Variants in IQCH observed in about 807,000 individuals in gnomAD.
IQCH encodes the protein IQ motif containing H.
Under a neutral mutation model 117.0 loss-of-function variants are expected in IQCH, and 98 were observed. The observed-to-expected ratio is 0.84, with a 90% CI of 0.71 to 0.99. The LOEUF (loss-of-function observed/expected upper bound fraction) is 0.99. Ranked by LOEUF, IQCH falls within the 50% of genes least tolerant of loss-of-function variation. The pLI is 0.00. For synonymous variants in IQCH, 412 were observed against 448.2 expected (o/e 0.92, Z 1.02); for missense variants, 1,102 against 1,243.8 (o/e 0.89, Z 1.72).
At chr15:67,497,532 C>T (rs546011349) in intron 20 of IQCH, among the ~76,000 whole-genome samples, 7 of 152,048 alleles carry the variant, frequency 4.6e-5, no homozygotes, top group African/African-American at 1.7e-4. Flanking sequence ...CTCACTCTGT[C>T]GCCCAGGTTG....
At position 67,416,257 on chromosome 15, in the gene IQCH, C is replaced by CAT. The variant is rs1206657332; in HGVS notation, c.2098-674_2098-673insAT. ...ATTAGGCTGGGCACAGTGGCTCATG[C>CAT]CTGTAATCCCAGCACTTTGGGAGGC... On this transcript the variant is annotated intron_variant, in intron 14 of 20. Transcript: ENST00000335894. The surrounding 1 kb of genome is among the most constrained non-coding windows in gnomAD (Gnocchi z 5.1). Among the ~76,000 whole-genome samples, 4 of 152,114 alleles carry CAT rather than the reference C, an allele frequency of 2.6e-5. No homozygotes were observed. The highest frequency in any genetic ancestry group is 6.6e-5 in the Admixed American group (1 of 15,266).
chr15:67,417,164 A>G lies in IQCH; in HGVS notation c.2218+113A>G. The stretch of plus-strand genomic sequence containing the variant: ...TTTGCATCTCCTGTGTTGGTTTAGA[A>G]AAGTGCTCCTACGGTTTTCTTTTTC... On this transcript the variant is annotated intron_variant, in intron 15 of 20. Transcript: ENST00000335894. The surrounding 1 kb of genome is among the most constrained non-coding windows in gnomAD (Gnocchi z 4.3). 2 of 851,992 alleles carry G rather than the reference A, an allele frequency of 2.3e-6. No homozygotes were observed. Among genetic ancestry groups the G allele is most frequent in the East Asian group, 3.0e-5 (1 of 33,088 alleles). 52.8% of individuals were successfully genotyped at this position (851,992 alleles called of 1,614,324 possible).
intron 4 of IQCH, among the ~76,000 whole-genome samples, chr15:67,299,495 C>T (rs1966916992): frequency 6.6e-6 from 1 of 151,856 alleles, no homozygotes. Flanking sequence ...TATCCCATTT[C>T]CCCTGATGTG....
Position 67,254,794 on chromosome 15 carries a change from C to G in IQCH, c.-103C>G. The G allele has an allele frequency of 7.3e-7, 1 of 1,376,438 alleles. No individual in the cohort carries two copies. The highest frequency in any genetic ancestry group is 1.0e-6 in the Non-Finnish European group (1 of 985,094). The allele number at this position is 1,376,438 out of a possible 1,614,324, so 85.3% of individuals were successfully genotyped here. ...CCTTCCGCTCCCAGCGTGGAACAGG[C>G]CAGGTCGCGCGCGGTGTTGCCATGG... On this transcript the variant is annotated 5_prime_UTR_variant, in exon 1 of 21. Transcript: ENST00000335894.
chr15:67,256,666 G>A (rs994725495), intron 1 of IQCH, among the ~76,000 whole-genome samples: 3 of 152,232 alleles, frequency 2.0e-5, no homozygotes, highest in South Asian at 2.1e-4. Context: ...CAAATAATTA[G>A]AACAATAATG....
chr15:67,480,074 C>T (rs139794550), intron 18 of IQCH, among the ~76,000 whole-genome samples: 102 of 152,328 alleles, frequency 6.7e-4, no homozygotes, highest in African/African-American at 2.4e-3. Flanking sequence ...TTACTGCCTG[C>T]ACCAGTGTGG....
intron 16 of IQCH, among the ~76,000 whole-genome samples, chr15:67,460,160 T>A (rs1282019451): frequency 6.6e-6 from 1 of 152,186 alleles, no homozygotes; most frequent in East Asian, 1.9e-4. Flanking sequence ...CTTTTTTACA[T>A]CCTCAGTCCT....
intron 4 of IQCH, among the ~76,000 whole-genome samples, chr15:67,291,682 G>A (rs573065466): frequency 5.3e-5 from 8 of 152,084 alleles, no homozygotes; most frequent in African/African-American, 1.9e-4. Flanking sequence ...GCAGGCAAAG[G>A]TTCCTTCAGA....
At chr15:67,375,866 A>G (rs1053245868) in intron 10 of IQCH, among the ~76,000 whole-genome samples, 2 of 144,984 alleles carry the variant, frequency 1.4e-5, no homozygotes, top group South Asian at 4.4e-4. Context: ...GGCTCAGTGC[A>G]TTCTCCGCCT....
At chr15:67,262,890 C>A (rs895055018) in intron 2 of IQCH, among the ~76,000 whole-genome samples, 2 of 151,344 alleles carry the variant, frequency 1.3e-5, no homozygotes, top group African/African-American at 2.4e-5. Context: ...AAAAAAAAAA[C>A]AAAAAAGAGT....
chr15:67,297,996 C>A (rs1412396614), intron 4 of IQCH, among the ~76,000 whole-genome samples: 1 of 151,956 alleles, frequency 6.6e-6, no homozygotes, highest in African/African-American at 2.4e-5. Context: ...AAAAAAAATT[C>A]TAATAATCTG....
intron 16 of IQCH, among the ~76,000 whole-genome samples, chr15:67,442,087 C>T (rs2082282093): frequency 6.6e-6 from 1 of 152,088 alleles, no homozygotes; most frequent in African/African-American, 2.4e-5. Flanking sequence ...ATAGACAGTT[C>T]TCAAAAGAAG....
chr15:67,345,260 G>A (rs1445611828), intron 6 of IQCH, among the ~76,000 whole-genome samples: 4 of 152,096 alleles, frequency 2.6e-5, no homozygotes, highest in Non-Finnish European at 4.4e-5. Context: ...CAAAGTGCTG[G>A]GATTACAGCC....
rs371522145 is a variant in IQCH, at chr15:67,413,796, A to G, written c.2098-3135A>G. Among the ~76,000 whole-genome samples, 11 of 152,134 alleles carry G rather than the reference A, an allele frequency of 7.2e-5. No homozygotes were observed. Among genetic ancestry groups the G allele is most frequent in the African/African-American group, 2.4e-4 (10 of 41,498 alleles). On this transcript the variant is annotated intron_variant, in intron 14 of 20. Transcript: ENST00000335894. The surrounding 1 kb of genome is among the most constrained non-coding windows in gnomAD (Gnocchi z 5.0). ...CAGTGCCTTCAGCTGTGTACCTCTC[A>G]TGGTAGGACACGATTACTCCTCCAG... is the stretch of plus-strand genomic sequence containing the variant.
At chr15:67,483,810 G>A (rs760917983) in intron 18 of IQCH, among the ~76,000 whole-genome samples, 29 of 152,132 alleles carry the variant, frequency 1.9e-4, no homozygotes, top group Non-Finnish European at 1.6e-4. Context: ...TGTGGATGCC[G>A]TTTAAATCCC....
At position 67,358,254 on chromosome 15, in the gene IQCH, G is replaced by T. The variant is rs1969994404; in HGVS notation, c.714+833G>T. Among the ~76,000 whole-genome samples the T allele has an allele frequency of 1.9e-5, 2 of 105,174 alleles. 1 individual carries two copies. Among genetic ancestry groups the T allele is most frequent in the Non-Finnish European group, 3.6e-5 (2 of 55,288 alleles). The allele number at this position is 105,174 out of a possible 152,430, so 69.0% of individuals were successfully genotyped here. A position where few individuals can be genotyped will look rare whatever the true frequency, so the allele number is the denominator to read the frequency against. On this transcript the variant is annotated intron_variant, in intron 7 of 20. Transcript: ENST00000335894. ...GAGTCTTGCTCTGTCACCCAGGCTG[G>T]CACAGTCTCGGCTCACTGCAACCTC... is the stretch of plus-strand genomic sequence containing the variant.
At chr15:67,263,288 G>A (rs1567046711) in intron 3 of IQCH, 72 bp downstream of exon 3, 1 of 777,504 alleles carries the variant, frequency 1.3e-6, no homozygotes, top group Non-Finnish European at 2.2e-6. Flanking sequence ...CAAGTGAGAT[G>A]ACTATAAAAT....
chr15:67,428,636 G>A (rs2081947966), intron 16 of IQCH, among the ~76,000 whole-genome samples: 1 of 152,066 alleles, frequency 6.6e-6, no homozygotes, highest in African/African-American at 2.4e-5. Flanking sequence ...GGATCACGAG[G>A]TCAGGAGTTT....
intron 16 of IQCH, among the ~76,000 whole-genome samples, chr15:67,423,126 G>A (rs975754248): frequency 1.3e-5 from 2 of 152,170 alleles, no homozygotes; most frequent in East Asian, 3.8e-4. Flanking sequence ...CCTGTACATT[G>A]AGAGGGAAAA....
Sources: allele counts gnomAD v4.1 joint callset (sites outside exome capture counted in the v4.1 genomes callset), GRCh38; gene constraint gnomAD v4.1.1; non-coding constraint Gnocchi (gnomAD v3.1); transcripts MANE v1.5; gene names NCBI Gene and HGNC (gene_info 2026-07-23, HGNC 2026-07-21).